Variants in GNAO1 observed in about 807,000 individuals in gnomAD.
The protein encoded by GNAO1 is G protein subunit alpha o1.
For missense variants in GNAO1, 166 were observed against 478.7 expected (o/e 0.35, Z 6.10); for synonymous variants, 164 against 180.7 (o/e 0.91, Z 0.74).
chr16:56,213,323 T>G, intron 2 of GNAO1: 1 of 398,578 alleles, frequency 2.5e-6, no homozygotes, highest in Non-Finnish European at 4.4e-6. Context: ...GTGTTGTAAC[T>G]GAGCAAGACA....
intron 2 of GNAO1, chr16:56,235,511 C>T: frequency 2.3e-6 from 1 of 437,018 alleles, no homozygotes; most frequent in Non-Finnish European, 4.6e-6. Flanking sequence ...GGTCAGTTCT[C>T]CTCGACATCC....
chr16:56,228,222 C>T (rs1425738486), intron 2 of GNAO1, among the ~76,000 whole-genome samples: 3 of 152,136 alleles, frequency 2.0e-5, no homozygotes, highest in Non-Finnish European at 4.4e-5. Context: ...AAGAAGGCTT[C>T]CCCAGGCTTA....
intron 3 of GNAO1, among the ~76,000 whole-genome samples, chr16:56,284,735 G>A (rs909813398): frequency 1.1e-4 from 17 of 152,156 alleles, no homozygotes; most frequent in Non-Finnish European, 7.3e-5. Context: ...TGCTAGCAGG[G>A]GTCAGTGAAT....
intron 2 of GNAO1, among the ~76,000 whole-genome samples, chr16:56,228,303 A>G (rs2036553258): frequency 6.6e-6 from 1 of 152,054 alleles, no homozygotes; most frequent in Non-Finnish European, 1.5e-5. Flanking sequence ...TTCTCCTGGC[A>G]TTTCCATGTA....
intron 6 of GNAO1, among the ~76,000 whole-genome samples, chr16:56,343,110 C>T (rs1429631955): frequency 6.7e-6 from 1 of 149,390 alleles, no homozygotes; most frequent in African/African-American, 2.5e-5. Flanking sequence ...AAAAAAAAAA[C>T]AAACAAAAAA....
chr16:56,264,813 T>C (rs2036936225), intron 2 of GNAO1, among the ~76,000 whole-genome samples: 1 of 148,700 alleles, frequency 6.7e-6, no homozygotes, highest in African/African-American at 2.4e-5. Flanking sequence ...ATAGTATTAA[T>C]ATAGTATATA....
chr16:56,202,008 G>T (rs1482086416), intron 2 of GNAO1, among the ~76,000 whole-genome samples: 1 of 152,144 alleles, frequency 6.6e-6, no homozygotes, highest in African/African-American at 2.4e-5. Context: ...TGAGTGAGAA[G>T]GAGAGAGAAG....
chr16:56,319,658 A>G (rs1348418710), intron 3 of GNAO1, among the ~76,000 whole-genome samples: 6 of 152,148 alleles, frequency 3.9e-5, no homozygotes, highest in Non-Finnish European at 8.8e-5. Context: ...GGCAGGACAC[A>G]GGGCCTGTGT....
Position 56,336,833 on chromosome 16 carries a change from C to T in GNAO1, c.696C>T (p.Asp232=). The change falls in exon 6 of 9, where the codon GAC becomes GAT. Residue 232 remains aspartate, a synonymous_variant. Coordinates refer to ENST00000262493, the MANE Select transcript of GNAO1 (RefSeq NM_020988.3). Reference sequence around the variant, plus strand: ...TCTGTGTCGCGCTCAGCGGCTATGACCAGGTGCTCCACGAAGACGAAACCA... The same window carrying T: ...TCTGTGTCGCGCTCAGCGGCTATGATCAGGTGCTCCACGAAGACGAAACCA... ...IIFCVALSGY[D]QVLHEDETTN... is the part of the protein sequence containing the mutation. 1 of 1,612,938 alleles carries T rather than the reference C, an allele frequency of 6.2e-7. No individual in the cohort carries two copies. The highest frequency in any genetic ancestry group is 1.1e-5 in the South Asian group (1 of 90,988).
At chr16:56,328,884 C>A in intron 4 of GNAO1, 93 bp downstream of exon 4, 2 of 1,346,866 alleles carry the variant, frequency 1.5e-6, no homozygotes, top group Non-Finnish European at 1.0e-6. Context: ...AAGGAGGATT[C>A]TCGGCTGAGG....
At chr16:56,253,257 G>A (rs1338861370) in intron 2 of GNAO1, among the ~76,000 whole-genome samples, 3 of 152,166 alleles carry the variant, frequency 2.0e-5, no homozygotes, top group African/African-American at 7.2e-5. Flanking sequence ...GCAACAGTGT[G>A]TGACTGATCG....
intron 6 of GNAO1, chr16:56,343,937 G>A (rs769077831): frequency 8.1e-6 from 13 of 1,613,616 alleles, no homozygotes; most frequent in African/African-American, 1.3e-5. Flanking sequence ...CTGCGGGGCT[G>A]TGGACTCTAC....
intron 3 of GNAO1, among the ~76,000 whole-genome samples, chr16:56,325,757 G>T (rs548338632): frequency 6.6e-6 from 1 of 152,128 alleles, no homozygotes; most frequent in Non-Finnish European, 1.5e-5. Context: ...AGAAACTAAC[G>T]GGATAGGGCT....
chr16:56,337,930 C>T (rs1418118884), intron 6 of GNAO1, among the ~76,000 whole-genome samples: 4 of 152,230 alleles, frequency 2.6e-5, no homozygotes, highest in African/African-American at 4.8e-5. Flanking sequence ...CTGTCTGGAA[C>T]ACATGCAAAT....
chr16:56,267,282 T>C (rs1567461725), intron 2 of GNAO1, among the ~76,000 whole-genome samples: 1 of 152,068 alleles, frequency 6.6e-6, no homozygotes, highest in Non-Finnish European at 1.5e-5. Flanking sequence ...TGGTGACATT[T>C]CCCCCATTGA....
At chr16:56,308,615 G>A (rs928616919) in intron 3 of GNAO1, among the ~76,000 whole-genome samples, 2 of 152,146 alleles carry the variant, frequency 1.3e-5, no homozygotes, top group East Asian at 1.9e-4. Flanking sequence ...AAGGTGGCTC[G>A]GGAAAGCAAG....
intron 2 of GNAO1, among the ~76,000 whole-genome samples, chr16:56,232,376 T>C (rs2036597286): frequency 6.6e-6 from 1 of 152,168 alleles, no homozygotes; most frequent in African/African-American, 2.4e-5. Context: ...TTCATATCCT[T>C]TGGAATTCGG....
At chr16:56,353,202 C>T (rs2037940145) in intron 7 of GNAO1, 1 of 152,386 alleles carries the variant, frequency 6.6e-6, no homozygotes, top group African/African-American at 2.4e-5. Flanking sequence ...CACTCCTGAC[C>T]TCTCCCAGCC....
At chr16:56,301,444 G>T (rs143462189) in intron 3 of GNAO1, among the ~76,000 whole-genome samples, 1 of 152,246 alleles carries the variant, frequency 6.6e-6, no homozygotes, top group East Asian at 1.9e-4. Context: ...CTGAGCCCTG[G>T]GCCCCCTTTT....
Sources: allele counts gnomAD v4.1 joint callset (sites outside exome capture counted in the v4.1 genomes callset), GRCh38; gene constraint gnomAD v4.1.1; transcripts MANE v1.5; gene names NCBI Gene and HGNC (gene_info 2026-07-23, HGNC 2026-07-21).